The following TBC1D5 variants were observed in gnomAD, a reference collection of about 807,000 sequenced individuals.
TBC1D5 encodes TBC1 domain family, member 5.
In TBC1D5, 75 loss-of-function variants were observed where a neutral mutation model predicts 100.3. That is an observed-to-expected ratio of 0.75 (90% CI 0.62 to 0.91). TBC1D5 has a LOEUF of 0.91. TBC1D5 is among the 40% of genes least tolerant of loss of function. The pLI, the probability that TBC1D5 is intolerant of heterozygous loss-of-function variation, is 0.00. For missense variants in TBC1D5, 910 were observed against 942.4 expected (o/e 0.97, Z 0.45); for synonymous variants, 323 against 325.6 (o/e 0.99, Z 0.09).
At chr3:17,514,598 T>C (rs1177374210) in intron 2 of TBC1D5, among the ~76,000 whole-genome samples, 1 of 151,502 alleles carries the variant, frequency 6.6e-6, no homozygotes, top group Non-Finnish European at 1.5e-5. Flanking sequence ...ACAATATACC[T>C]ACTGAGAAAT....
intron 1 of TBC1D5, among the ~76,000 whole-genome samples, chr3:17,727,165 G>A (rs1022874259): frequency 1.8e-4 from 28 of 152,116 alleles, no homozygotes; most frequent in Admixed American, 1.6e-3. Flanking sequence ...GGTGGATAAC[G>A]AGGTCAGGAG....
chr3:17,561,348 A>T (rs529570801), intron 2 of TBC1D5, among the ~76,000 whole-genome samples: 1 of 152,332 alleles, frequency 6.6e-6, no homozygotes, highest in South Asian at 2.1e-4. Flanking sequence ...AGCTCTAGTA[A>T]GAGCAAAAAA....
intron 19 of TBC1D5, among the ~76,000 whole-genome samples, chr3:17,172,315 T>G (rs2067242054): frequency 6.6e-6 from 1 of 152,210 alleles, no homozygotes; most frequent in Admixed American, 6.5e-5. Flanking sequence ...AGGTGGCATT[T>G]ACAAACATTC....
At chr3:17,241,876 A>C (rs914319422) in intron 16 of TBC1D5, among the ~76,000 whole-genome samples, 7 of 152,110 alleles carry the variant, frequency 4.6e-5, no homozygotes, top group African/African-American at 1.2e-4. Flanking sequence ...AAAAAAACCC[A>C]AAAAAACCCC....
chr3:17,734,938 A>AT (rs143310208), intron 1 of TBC1D5, among the ~76,000 whole-genome samples: 1 of 151,186 alleles, frequency 6.6e-6, no homozygotes, highest in Non-Finnish European at 1.5e-5. Context: ...AAAAAAAAAA[A>AT]TTTAATTAGC....
intron 5 of TBC1D5, 92 bp downstream of exon 5, chr3:17,406,326 C>A (rs1313115777): frequency 7.2e-6 from 8 of 1,106,106 alleles, no homozygotes; most frequent in Non-Finnish European, 1.0e-5. Flanking sequence ...TTGGAAAATT[C>A]AGTGATCCCC....
At chr3:17,203,115 C>G (rs966583180) in intron 18 of TBC1D5, among the ~76,000 whole-genome samples, 2 of 152,222 alleles carry the variant, frequency 1.3e-5, no homozygotes, top group African/African-American at 4.8e-5. Context: ...TGCAGAGCCC[C>G]AAGCAGGGAG....
chr3:17,510,552 C>T (rs564186963), intron 2 of TBC1D5, among the ~76,000 whole-genome samples: 1 of 151,928 alleles, frequency 6.6e-6, no homozygotes, highest in Non-Finnish European at 1.5e-5. Flanking sequence ...CTGAGCACTG[C>T]TGTATAGAAG....
intron 18 of TBC1D5, among the ~76,000 whole-genome samples, chr3:17,200,215 G>A (rs1372310377): frequency 2.6e-5 from 4 of 152,204 alleles, no homozygotes; most frequent in Non-Finnish European, 4.4e-5. Flanking sequence ...ACTTTGGAAA[G>A]CAACATATTG....
chr3:17,590,115 G>A (rs890423785), intron 2 of TBC1D5, among the ~76,000 whole-genome samples: 3 of 152,160 alleles, frequency 2.0e-5, no homozygotes, highest in Non-Finnish European at 2.9e-5. Flanking sequence ...AGTCCCAGCG[G>A]GCCCCAGAGG....
chr3:17,650,351 A>T (rs2065425338), intron 1 of TBC1D5, among the ~76,000 whole-genome samples: 1 of 152,168 alleles, frequency 6.6e-6, no homozygotes, highest in African/African-American at 2.4e-5. Context: ...AAAAAGAAAT[A>T]AAAGAAATGG....
chr3:17,696,995 G>A (rs1037756572), intron 1 of TBC1D5, among the ~76,000 whole-genome samples: 3 of 152,138 alleles, frequency 2.0e-5, no homozygotes, highest in Non-Finnish European at 4.4e-5. Flanking sequence ...CAGAACCAAT[G>A]ATAAAAACCA....
intron 8 of TBC1D5, among the ~76,000 whole-genome samples, chr3:17,395,535 T>C (rs1288574108): frequency 3.3e-5 from 5 of 152,176 alleles, no homozygotes; most frequent in Non-Finnish European, 7.4e-5. Context: ...CTGTGCCCAC[T>C]GGGAATATTA....
intron 1 of TBC1D5, among the ~76,000 whole-genome samples, chr3:17,649,264 C>T (rs2065305651): frequency 6.6e-6 from 1 of 151,950 alleles, no homozygotes; most frequent in South Asian, 2.1e-4. Flanking sequence ...ATAAGTGGGG[C>T]TAAATGATAA....
At chr3:17,502,708 G>A (rs1344186311) in intron 3 of TBC1D5, among the ~76,000 whole-genome samples, 1 of 149,260 alleles carries the variant, frequency 6.7e-6, no homozygotes, top group Non-Finnish European at 1.5e-5. Context: ...AACATCCAAT[G>A]TCATGTCCTC....
intron 2 of TBC1D5, among the ~76,000 whole-genome samples, chr3:17,512,064 A>G (rs1388750020): frequency 6.6e-6 from 1 of 152,058 alleles, no homozygotes; most frequent in Non-Finnish European, 1.5e-5. Context: ...GAATCTAAAA[A>G]AGCAACTTAA....
chr3:17,456,886 G>GCA (rs1364517621), intron 3 of TBC1D5, among the ~76,000 whole-genome samples: 1 of 152,050 alleles, frequency 6.6e-6, no homozygotes. Flanking sequence ...CAAAAGACAG[G>GCA]CACAGTCATA....
chr3:17,182,142 G>A (rs1047011124), intron 19 of TBC1D5, among the ~76,000 whole-genome samples: 1 of 152,118 alleles, frequency 6.6e-6, no homozygotes. Context: ...TACAATCTAG[G>A]AGCATCTTTT....
At chr3:17,277,342 T>C (rs1330837219) in intron 15 of TBC1D5, among the ~76,000 whole-genome samples, 1 of 152,228 alleles carries the variant, frequency 6.6e-6, no homozygotes, top group South Asian at 2.1e-4. Context: ...AGGTTTCCTC[T>C]CATTTTCTAT....
Sources: allele counts gnomAD v4.1 joint callset (sites outside exome capture counted in the v4.1 genomes callset), GRCh38; gene constraint gnomAD v4.1.1; transcripts MANE v1.5; gene names NCBI Gene and HGNC (gene_info 2026-07-23, HGNC 2026-07-21).